CNTNAP2: variants seen among roughly 807,000 people sequenced by gnomAD.
The protein encoded by CNTNAP2 is contactin associated protein 2, also known as contactin-associated protein-like 2.
In CNTNAP2, 98 loss-of-function variants were observed where a neutral mutation model predicts 155.2. The observed-to-expected ratio is 0.63, with a 90% confidence interval of 0.54 to 0.75. The LOEUF (loss-of-function observed/expected upper bound fraction) is 0.75. Ranked by LOEUF, CNTNAP2 falls within the 30% of genes least tolerant of loss-of-function variation. CNTNAP2 has a pLI of 0.00. For missense variants in CNTNAP2, 1,727 were observed against 1,688.1 expected, an observed-to-expected ratio of 1.02 and a Z score of -0.40; for synonymous variants, 651 against 631.2, an observed-to-expected ratio of 1.03 and a Z score of -0.47.
At chr7:147,473,637 A>G (rs796841106) in intron 10 of CNTNAP2, among the ~76,000 whole-genome samples, 41 of 152,332 alleles carry the variant, frequency 2.7e-4, no homozygotes, top group African/African-American at 9.9e-4. Context: ...GTCCTCTCCA[A>G]GGAAACCACT....
intron 1 of CNTNAP2, among the ~76,000 whole-genome samples, chr7:146,721,168 C>T (rs190748049): frequency 0.013 from 1,707 of 130,670 alleles, 45 homozygotes; most frequent in African/African-American, 0.046. Flanking sequence ...TATATTCTCT[C>T]TATATATTCC....
chr7:147,773,679 T>A (rs1797511974), intron 13 of CNTNAP2, among the ~76,000 whole-genome samples: 2 of 152,130 alleles, frequency 1.3e-5, no homozygotes, highest in East Asian at 1.9e-4. Context: ...TGTGGCAGTA[T>A]ACTACCTCTT....
At chr7:147,009,370 T>G (rs533923920) in intron 3 of CNTNAP2, among the ~76,000 whole-genome samples, 2 of 152,282 alleles carry the variant, frequency 1.3e-5, no homozygotes, top group South Asian at 4.1e-4. Context: ...AATCAAGCCA[T>G]ATAATGTCTA....
At chr7:148,368,198 CA>C (rs1019475614) in intron 21 of CNTNAP2, among the ~76,000 whole-genome samples, 1 of 152,060 alleles carries the variant, frequency 6.6e-6, no homozygotes, top group Non-Finnish European at 1.5e-5. Flanking sequence ...GACAGTGCCA[CA>C]AGGAGTAATT....
intron 11 of CNTNAP2, among the ~76,000 whole-genome samples, chr7:147,486,791 C>T (rs1798518035): frequency 1.3e-5 from 2 of 151,916 alleles, no homozygotes; most frequent in South Asian, 4.1e-4. Flanking sequence ...TTGCAGAACG[C>T]TTTTGAAAAC....
chr7:147,530,551 A>T (rs535125639), intron 11 of CNTNAP2, among the ~76,000 whole-genome samples: 4 of 152,286 alleles, frequency 2.6e-5, no homozygotes, highest in African/African-American at 9.6e-5. Flanking sequence ...TAATAGACCC[A>T]TTAGATCTCA....
rs567527776 is a variant in CNTNAP2, at chr7:146,823,700, A to G, written c.209-16011A>G. Reference sequence around the variant, plus strand: ...TTCTTCAGTATATTTAAATATGAGTATACTCATTCTTCAGTATATTTAAAT... The same window carrying G: ...TTCTTCAGTATATTTAAATATGAGTGTACTCATTCTTCAGTATATTTAAAT... On this transcript the variant is annotated intron_variant, in intron 2 of 23. Coordinates refer to ENST00000361727, the MANE Select transcript of CNTNAP2 (RefSeq NM_014141.6). 1.6e-4 allele frequency among the ~76,000 whole-genome samples: 24 copies of G among 151,890 alleles called. 1 individual carries two copies. The highest frequency in any genetic ancestry group is 1.5e-3 in the Admixed American group (23 of 15,194).
chr7:147,939,578 C>T (rs1436382650), intron 14 of CNTNAP2, among the ~76,000 whole-genome samples: 1 of 152,186 alleles, frequency 6.6e-6, no homozygotes, highest in Non-Finnish European at 1.5e-5. Context: ...CCACCCATCT[C>T]TGCCTCCCAA....
chr7:147,818,106 A>C (rs1798304854), intron 13 of CNTNAP2, among the ~76,000 whole-genome samples: 1 of 151,936 alleles, frequency 6.6e-6, no homozygotes, highest in African/African-American at 2.4e-5. Context: ...TCTTAAAACC[A>C]TTGTTTTCTA....
At chr7:147,063,560 G>C (rs1385625751) in intron 4 of CNTNAP2, among the ~76,000 whole-genome samples, 1 of 152,006 alleles carries the variant, frequency 6.6e-6, no homozygotes, top group Non-Finnish European at 1.5e-5. Flanking sequence ...CTATGAAGGA[G>C]CATATTGGGC....
At chr7:147,456,423 T>C (rs768726850) in intron 10 of CNTNAP2, among the ~76,000 whole-genome samples, 3 of 152,154 alleles carry the variant, frequency 2.0e-5, no homozygotes, top group Non-Finnish European at 4.4e-5. Flanking sequence ...CAGAAATCAC[T>C]AGCCTACATG....
At chr7:147,378,497 C>A (rs1050960934) in intron 9 of CNTNAP2, among the ~76,000 whole-genome samples, 1 of 151,914 alleles carries the variant, frequency 6.6e-6, no homozygotes, top group African/African-American at 2.4e-5. Flanking sequence ...GTGAAGTAAA[C>A]CAGGCACAGA....
chr7:147,652,831 T>C (rs986453980), intron 13 of CNTNAP2, among the ~76,000 whole-genome samples: 5 of 152,162 alleles, frequency 3.3e-5, no homozygotes, highest in Admixed American at 2.0e-4. Flanking sequence ...ATTTCTTATA[T>C]TGAAACATTA....
chr7:148,189,666 G>A (rs118044214), intron 18 of CNTNAP2, among the ~76,000 whole-genome samples: 2,189 of 152,252 alleles, frequency 0.014, 24 homozygotes, highest in South Asian at 0.027. Flanking sequence ...CCACAGCCAA[G>A]ACATTTCTGT....
intron 1 of CNTNAP2, among the ~76,000 whole-genome samples, chr7:146,259,520 G>A (rs1314709343): frequency 6.6e-6 from 1 of 152,162 alleles, no homozygotes; most frequent in East Asian, 1.9e-4. Flanking sequence ...GTGAGAACTG[G>A]AGTAAAGGTC....
rs76321088 is a variant in CNTNAP2, at chr7:147,939,864, T to G, written c.2255+36143T>G. ...TAAATAAATCCCCCATACAAAAAGT[T>G]TCCTTTTTTCCCCACTTGGGTCTGA... On this transcript the variant is annotated intron_variant, in intron 14 of 23. Coordinates refer to ENST00000361727, the MANE Select transcript of CNTNAP2 (RefSeq NM_014141.6). 7.5e-3 allele frequency: 1,144 copies of G among 152,260 alleles called. 8 individuals are homozygous for G. Among genetic ancestry groups the G allele is most frequent in the South Asian group, 0.025 (119 of 4,820 alleles). 9.4% of individuals were successfully genotyped at this position (152,260 alleles called of 1,614,324 possible).
At chr7:146,255,769 T>G (rs113970365) in intron 1 of CNTNAP2, among the ~76,000 whole-genome samples, 6,301 of 152,208 alleles carry the variant, frequency 0.041, 400 homozygotes, top group African/African-American at 0.14. Flanking sequence ...TATGAGATAG[T>G]TGGCATTTGT....
intron 1 of CNTNAP2, among the ~76,000 whole-genome samples, chr7:146,378,424 C>T (rs1022298389): frequency 3.3e-5 from 5 of 152,142 alleles, no homozygotes; most frequent in South Asian, 4.1e-4. Flanking sequence ...ATGACAATGA[C>T]GACAACAAAC....
intron 8 of CNTNAP2, among the ~76,000 whole-genome samples, chr7:147,175,456 A>G (rs1802320840): frequency 6.6e-6 from 1 of 152,170 alleles, no homozygotes; most frequent in Admixed American, 6.5e-5. Flanking sequence ...TTTGTTTCAA[A>G]CTATATGTAC....
Sources: allele counts gnomAD v4.1 joint callset (sites outside exome capture counted in the v4.1 genomes callset), GRCh38; gene constraint gnomAD v4.1.1; transcripts MANE v1.5; gene names NCBI Gene and HGNC (gene_info 2026-07-23, HGNC 2026-07-21).